The following KCNMA1 variants were observed in gnomAD, a reference collection of about 807,000 sequenced individuals.
KCNMA1 encodes potassium calcium-activated channel subfamily M alpha 1.
A neutral mutation model predicts 140.0 loss-of-function variants in KCNMA1; 29 were observed. The observed-to-expected ratio is 0.21, with a 90% CI of 0.15 to 0.28. KCNMA1 has a LOEUF of 0.28. Ranked by LOEUF, KCNMA1 falls within the 10% of genes least tolerant of loss-of-function variation. The pLI, the probability that KCNMA1 is intolerant of heterozygous loss-of-function variation, is 1.00. For synonymous variants in KCNMA1, 612 were observed against 611.9 expected (o/e 1.00, Z 0.00); for missense variants, 880 against 1,602.2 (o/e 0.55, Z 7.70).
At chr10:77,629,289 C>T (rs137916595) in intron 1 of KCNMA1, among the ~76,000 whole-genome samples, 2,893 of 152,258 alleles carry the variant, frequency 0.019, 94 homozygotes, top group African/African-American at 0.066. Context: ...CCCTCCCGTG[C>T]CTGACTCATC....
chr10:77,306,177 G>T (rs926412351), intron 2 of KCNMA1, among the ~76,000 whole-genome samples: 1 of 152,238 alleles, frequency 6.6e-6, no homozygotes, highest in Non-Finnish European at 1.5e-5. Flanking sequence ...TAGGTCTTGA[G>T]CAGTAGCCAA....
chr10:77,294,318 G>A (rs1027092224), intron 2 of KCNMA1, among the ~76,000 whole-genome samples: 1 of 152,190 alleles, frequency 6.6e-6, no homozygotes, highest in Admixed American at 6.5e-5. Context: ...CCTGGAGGGT[G>A]GACCTTGTCA....
intron 2 of KCNMA1, among the ~76,000 whole-genome samples, chr10:77,318,297 A>G (rs1170605883): frequency 2.0e-5 from 3 of 152,218 alleles, no homozygotes; most frequent in Admixed American, 6.5e-5. Flanking sequence ...GTGATCGCCA[A>G]TTTACAGAGT....
intron 2 of KCNMA1, among the ~76,000 whole-genome samples, chr10:77,371,401 A>G (rs1348225319): frequency 6.6e-6 from 1 of 152,168 alleles, no homozygotes; most frequent in Non-Finnish European, 1.5e-5. Context: ...AGAAGCCACA[A>G]GCTGGAGCCC....
At chr10:77,613,626 T>G (rs1200998518) in intron 1 of KCNMA1, among the ~76,000 whole-genome samples, 1 of 152,174 alleles carries the variant, frequency 6.6e-6, no homozygotes, top group South Asian at 2.1e-4. Context: ...TGTGCTGTTA[T>G]TTCCCCGTGT....
chr10:77,030,318 C>T (rs574765878), intron 15 of KCNMA1, among the ~76,000 whole-genome samples: 82 of 152,192 alleles, frequency 5.4e-4, no homozygotes, highest in Non-Finnish European at 9.6e-4. Flanking sequence ...AAGAGCACTG[C>T]TAACATGCAC....
intron 2 of KCNMA1, among the ~76,000 whole-genome samples, chr10:77,350,001 C>G (rs1009449659): frequency 6.6e-6 from 1 of 152,230 alleles, no homozygotes; most frequent in South Asian, 2.1e-4. Context: ...CAGGCTCAAG[C>G]GATTCTCCTG....
chr10:77,359,449 C>T (rs200689856), intron 2 of KCNMA1, among the ~76,000 whole-genome samples: 1 of 152,114 alleles, frequency 6.6e-6, no homozygotes, highest in Non-Finnish European at 1.5e-5. Flanking sequence ...TGTGGGGTGA[C>T]AAAAACAGCC....
chr10:76,995,714 C>G, intron 19 of KCNMA1: 2 of 469,704 alleles, frequency 4.3e-6, no homozygotes, highest in Non-Finnish European at 8.8e-6. Context: ...GGCCACTGTC[C>G]TGAAATAAAA....
At chr10:77,620,235 T>C (rs375929642) in intron 1 of KCNMA1, among the ~76,000 whole-genome samples, 14 of 152,136 alleles carry the variant, frequency 9.2e-5, no homozygotes, top group Middle Eastern at 3.4e-3. Context: ...CACCACAGCC[T>C]GCCAGCCTCA....
intron 3 of KCNMA1, among the ~76,000 whole-genome samples, chr10:77,219,099 T>A (rs2048742654): frequency 6.6e-6 from 1 of 152,176 alleles, no homozygotes; most frequent in South Asian, 2.1e-4. Flanking sequence ...TATGACTCCA[T>A]ATCACCACTT....
intron 2 of KCNMA1, among the ~76,000 whole-genome samples, chr10:77,360,232 A>G (rs1429560621): frequency 6.6e-6 from 1 of 152,250 alleles, no homozygotes; most frequent in African/African-American, 2.4e-5. Flanking sequence ...ATGTTCTAGA[A>G]CAAAGGCCTG....
chr10:77,269,085 T>C (rs2064261013), intron 2 of KCNMA1, among the ~76,000 whole-genome samples: 1 of 151,966 alleles, frequency 6.6e-6, no homozygotes, highest in Non-Finnish European at 1.5e-5. Flanking sequence ...GCTCAAGGAG[T>C]TGGTGGTCAC....
chr10:77,084,798 G>T, intron 11 of KCNMA1, 79 bp from the exon 12 acceptor site: 2 of 982,606 alleles, frequency 2.0e-6, no homozygotes, highest in Non-Finnish European at 3.2e-6. Flanking sequence ...TCTGTTGACA[G>T]CTTCTTGGGG....
intron 1 of KCNMA1, among the ~76,000 whole-genome samples, chr10:77,482,920 CTCCT>C (rs961761140): frequency 6.6e-6 from 1 of 151,176 alleles, no homozygotes; most frequent in Admixed American, 6.6e-5. Flanking sequence ...CCCTCCTTTC[CTCCT>C]TCCCTTTCTC....
chr10:77,606,607 C>A (rs1205234032), intron 1 of KCNMA1, among the ~76,000 whole-genome samples: 1 of 152,048 alleles, frequency 6.6e-6, no homozygotes, highest in Non-Finnish European at 1.5e-5. Flanking sequence ...GAGACTATCT[C>A]TTAAAGAAAA....
intron 1 of KCNMA1, among the ~76,000 whole-genome samples, chr10:77,466,055 G>A (rs74768101): frequency 0.057 from 8,734 of 152,208 alleles, 793 homozygotes; most frequent in African/African-American, 0.19. Flanking sequence ...TACCCTTGGC[G>A]GGAGCATCAG....
chr10:76,952,110 A>G, intron 21 of KCNMA1: 5 of 1,552,230 alleles, frequency 3.2e-6, no homozygotes, highest in Non-Finnish European at 4.4e-6. Flanking sequence ...ACCAATATCC[A>G]GGCAAGTCAT....
At chr10:76,989,331 A>G (rs76598588) in intron 19 of KCNMA1, among the ~76,000 whole-genome samples, 7,365 of 152,224 alleles carry the variant, frequency 0.048, 407 homozygotes, top group African/African-American at 0.13. Context: ...CAGAAGACTA[A>G]CACTGATATA....
Sources: allele counts gnomAD v4.1 joint callset (sites outside exome capture counted in the v4.1 genomes callset), GRCh38; gene constraint gnomAD v4.1.1; transcripts MANE v1.5; gene names NCBI Gene and HGNC (gene_info 2026-07-23, HGNC 2026-07-21).